Variants in DPYD observed in about 807,000 individuals in gnomAD.
DPYD encodes dihydropyrimidine dehydrogenase.
Under a neutral mutation model 116.2 loss-of-function variants are expected in DPYD, and 109 were observed. The ratio of observed to expected loss-of-function variants is 0.94; its 90% CI spans 0.80 to 1.10. The LOEUF (loss-of-function observed/expected upper bound fraction) is 1.10, where lower values mean the gene tolerates loss of function less well. Ranked by LOEUF, DPYD falls within the 50% of genes least tolerant of loss-of-function variation. The pLI, the probability that DPYD is intolerant of heterozygous loss-of-function variation, is 0.00. For missense variants in DPYD, 1,302 were observed against 1,254.5 expected (o/e 1.04, Z -0.57); for synonymous variants, 440 against 432.0 (o/e 1.02, Z -0.23).
chr1:97,434,670 G>A (rs558281889), intron 14 of DPYD, among the ~76,000 whole-genome samples: 2 of 152,106 alleles, frequency 1.3e-5, no homozygotes, highest in South Asian at 4.1e-4. Context: ...AGGTGAAAAG[G>A]AAAAGTAAAT....
In DPYD at chr1:97,724,296, GGGGGGGGGGGGGTGTGTGT is replaced by G. The variant is rs1247299052; in HGVS notation, c.322-2644_322-2626del. ...CACAGAAAGAATAGGATGTATGTGG[GGGGGGGGGGGGGTGTGTGT>G]GTGTGTGTGTGTGTGTGTGTGTGTG... is the stretch of plus-strand genomic sequence containing the variant. On this transcript the variant is annotated intron_variant, in intron 4 of 22. Coordinates refer to ENST00000370192, the MANE Select transcript of DPYD (RefSeq NM_000110.4). Among the ~76,000 whole-genome samples, 836 of 137,844 alleles carry G rather than the reference GGGGGGGGGGGGGTGTGTGT, an allele frequency of 6.1e-3. 33 individuals are homozygous for G. The highest frequency in any genetic ancestry group is 0.021 in the African/African-American group (765 of 36,854). The allele number at this position is 137,844 out of a possible 152,430, so 90.4% of individuals were successfully genotyped here.
intron 10 of DPYD, among the ~76,000 whole-genome samples, chr1:97,586,894 T>C (rs1654164362): frequency 6.6e-6 from 1 of 152,162 alleles, no homozygotes. Context: ...ATTTTCAGTA[T>C]AGAGCTGTCA....
At position 97,728,487 on chromosome 1, in the gene DPYD, T is replaced by C. The variant is rs899845848; in HGVS notation, c.322-6816A>G. 2.8e-4 allele frequency among the ~76,000 whole-genome samples: 42 copies of C among 152,110 alleles called. 1 individual carries two copies. The highest frequency in any genetic ancestry group is 8.8e-5 in the Non-Finnish European group (6 of 67,974). On this transcript the variant is annotated intron_variant, in intron 4 of 22. Transcript: ENST00000370192. ...ACTCACAAGCCGCTACCCTGTCATA[T>C]GGTATAACTAATTTAACAAATAGTC...
intron 13 of DPYD, among the ~76,000 whole-genome samples, chr1:97,494,911 T>C (rs1213448792): frequency 2.0e-5 from 3 of 152,138 alleles, no homozygotes; most frequent in African/African-American, 7.2e-5. Flanking sequence ...ACGAGCACAA[T>C]GCATGCACAA....
At chr1:97,918,832 T>C (rs1181556659) in intron 1 of DPYD, among the ~76,000 whole-genome samples, 2 of 152,216 alleles carry the variant, frequency 1.3e-5, no homozygotes, top group African/African-American at 2.4e-5. Context: ...CATTAACTGC[T>C]TCATACCAAT....
At chr1:97,706,828 A>G (rs1661987126) in intron 5 of DPYD, among the ~76,000 whole-genome samples, 1 of 152,090 alleles carries the variant, frequency 6.6e-6, no homozygotes, top group Admixed American at 6.6e-5. Context: ...ATCCATGTGC[A>G]GGTTTGCATG....
rs144104680 is a variant in DPYD at position 97,813,500 on chromosome 1, C to G, written c.233+14614G>C. ...AGAAAAAAAAGAATTACTCTAAACT[C>G]TCCTGAAAGATAGAGAAAGATGCTA... On this transcript the variant is annotated intron_variant, in intron 3 of 22. Coordinates refer to ENST00000370192, the MANE Select transcript of DPYD (RefSeq NM_000110.4). Among the ~76,000 whole-genome samples the G allele has an allele frequency of 2.3e-3, 348 of 152,234 alleles. 2 individuals carry two copies. The highest frequency in any genetic ancestry group is 8.1e-3 in the African/African-American group (337 of 41,558).
intron 12 of DPYD, among the ~76,000 whole-genome samples, chr1:97,525,758 T>TAGAGAGAGAGAG (rs58098297): frequency 0.038 from 4,090 of 108,442 alleles, 153 homozygotes; most frequent in Non-Finnish European, 0.051. Flanking sequence ...CCTGGGTAAT[T>TAGAGAGAGAGAG]AGAGAGAGAG....
At chr1:97,792,799 C>A (rs1394839396) in intron 3 of DPYD, among the ~76,000 whole-genome samples, 1 of 152,114 alleles carries the variant, frequency 6.6e-6, no homozygotes, top group African/African-American at 2.4e-5. Flanking sequence ...CAGACGAATT[C>A]TAAGTAAGGC....
At chr1:97,641,307 T>A (rs182627889) in intron 8 of DPYD, among the ~76,000 whole-genome samples, 46 of 152,140 alleles carry the variant, frequency 3.0e-4, no homozygotes, top group African/African-American at 9.9e-4. Flanking sequence ...GAGACATATA[T>A]AATGAGCACA....
intron 20 of DPYD, among the ~76,000 whole-genome samples, chr1:97,121,056 A>C: frequency 6.6e-6 from 1 of 152,138 alleles, no homozygotes; most frequent in East Asian, 1.9e-4. Context: ...TCTGTATTTC[A>C]CAACTCTAGA....
At chr1:97,816,333 CAAGAA>C (rs1318778980) in intron 3 of DPYD, among the ~76,000 whole-genome samples, 2 of 151,390 alleles carry the variant, frequency 1.3e-5, no homozygotes, top group Non-Finnish European at 2.9e-5. Flanking sequence ...TTGTAGACTA[CAAGAA>C]AAGTATTCAA....
intron 8 of DPYD, among the ~76,000 whole-genome samples, chr1:97,616,193 C>T (rs775762034): frequency 2.0e-5 from 3 of 151,622 alleles, no homozygotes; most frequent in South Asian, 2.1e-4. Context: ...TTGTTCTTCT[C>T]GGCATTCTTT....
At chr1:97,784,385 C>G (rs1010752808) in intron 3 of DPYD, among the ~76,000 whole-genome samples, 1 of 152,044 alleles carries the variant, frequency 6.6e-6, no homozygotes, top group Admixed American at 6.6e-5. Context: ...GCAAGAAGCT[C>G]TAGGGGATAT....
chr1:97,516,389 A>C (rs1648240158), intron 12 of DPYD, among the ~76,000 whole-genome samples: 1 of 152,012 alleles, frequency 6.6e-6, no homozygotes, highest in South Asian at 2.1e-4. Flanking sequence ...GGAACTAATA[A>C]GTCCCTGTCT....
chr1:97,810,886 T>C (rs775362862), intron 3 of DPYD, among the ~76,000 whole-genome samples: 43 of 152,292 alleles, frequency 2.8e-4, no homozygotes, highest in Non-Finnish European at 4.6e-4. Flanking sequence ...ACAAAATTTC[T>C]CAATGGGGTT....
intron 21 of DPYD, among the ~76,000 whole-genome samples, chr1:97,093,506 T>C (rs1376331300): frequency 1.3e-5 from 2 of 152,240 alleles, no homozygotes; most frequent in Non-Finnish European, 2.9e-5. Context: ...TAGGACACAT[T>C]TGGTGCAGGC....
chr1:97,244,477 G>A (rs1432301592), intron 18 of DPYD, among the ~76,000 whole-genome samples: 3 of 151,926 alleles, frequency 2.0e-5, no homozygotes, highest in Admixed American at 1.3e-4. Flanking sequence ...AATCCAGTGC[G>A]CAGAGAGGTT....
intron 1 of DPYD, among the ~76,000 whole-genome samples, chr1:97,903,870 G>A (rs189657479): frequency 6.6e-6 from 1 of 152,034 alleles, no homozygotes; most frequent in Non-Finnish European, 1.5e-5. Flanking sequence ...ATAAAAATTT[G>A]AATTTTACTA....
Sources: gnomAD v4.1 joint callset for allele counts (sites outside exome capture counted in the v4.1 genomes callset) on GRCh38, gnomAD v4.1.1 for gene constraint, MANE v1.5 for transcripts, NCBI Gene and HGNC (gene_info 2026-07-23, HGNC 2026-07-21) for gene names.